GRIK4: variants seen among roughly 807,000 people sequenced by gnomAD.
GRIK4 encodes glutamate ionotropic receptor kainate type subunit 4.
A neutral mutation model predicts 104.9 loss-of-function variants in GRIK4; 40 were observed. The ratio of observed to expected loss-of-function variants is 0.38; its 90% CI spans 0.30 to 0.50. The LOEUF is 0.50. GRIK4 is among the 20% of genes least tolerant of loss of function. The probability of loss-of-function intolerance (pLI) is 0.93; values close to 1 mark genes in which losing one functional copy is unlikely to be tolerated. For synonymous variants in GRIK4, 485 were observed against 524.9 expected (o/e 0.92, Z 1.04); for missense variants, 1,047 against 1,308.1 (o/e 0.80, Z 3.08).
At chr11:120,753,705 C>T (rs1386156773) in intron 3 of GRIK4, among the ~76,000 whole-genome samples, 2 of 152,120 alleles carry the variant, frequency 1.3e-5, no homozygotes, top group Non-Finnish European at 2.9e-5. Flanking sequence ...ATGATGCCGG[C>T]CCTTGTCTTT....
chr11:120,944,715 T>A (rs1031369147), intron 14 of GRIK4, among the ~76,000 whole-genome samples: 1 of 152,182 alleles, frequency 6.6e-6, no homozygotes, highest in Non-Finnish European at 1.5e-5. Context: ...AAGGCCACAG[T>A]CATTATAAGC....
intron 1 of GRIK4, among the ~76,000 whole-genome samples, chr11:120,534,820 G>A (rs758002618): frequency 2.6e-5 from 4 of 152,184 alleles, no homozygotes; most frequent in Non-Finnish European, 4.4e-5. Context: ...ACCCCTGGGA[G>A]CAGAGGCAGA....
At chr11:120,629,149 G>C (rs1210558688) in intron 1 of GRIK4, among the ~76,000 whole-genome samples, 2 of 152,340 alleles carry the variant, frequency 1.3e-5, no homozygotes, top group East Asian at 3.9e-4. Context: ...TCAGAGGATG[G>C]GAAGAAGTTG....
chr11:120,954,386 T>C (rs1360067847), intron 15 of GRIK4, among the ~76,000 whole-genome samples: 1 of 151,444 alleles, frequency 6.6e-6, no homozygotes, highest in African/African-American at 2.4e-5. Context: ...CTGCTGTCAG[T>C]GACGGCCTGC....
At position 120,819,111 on chromosome 11, in the gene GRIK4, C is replaced by A. The variant is rs560438763; in HGVS notation, c.346-644C>A. On this transcript the variant is annotated intron_variant, in intron 5 of 20. Coordinates refer to ENST00000527524, the MANE Select transcript of GRIK4 (RefSeq NM_014619.5). The surrounding 1 kb of genome is among the most constrained non-coding windows in gnomAD (Gnocchi z 4.3). ...ACACTGTCCTAATGAAGCCAAACCA[C>A]GTATTTATTTACCTGGCTGTGTTCA... Among the ~76,000 whole-genome samples the A allele has an allele frequency of 1.1e-4, 17 of 152,310 alleles. No individual in the cohort carries two copies. In the East Asian group the frequency reaches 3.3e-3, roughly 29 times the overall value.
intron 1 of GRIK4, among the ~76,000 whole-genome samples, chr11:120,601,238 T>G (rs1379866170): frequency 1.3e-5 from 2 of 152,006 alleles, no homozygotes; most frequent in African/African-American, 4.8e-5. Flanking sequence ...AAACCTCATC[T>G]CTAGTAAAAA....
chr11:120,523,578 G>A (rs572634876), intron 1 of GRIK4, among the ~76,000 whole-genome samples: 11 of 152,262 alleles, frequency 7.2e-5, no homozygotes, highest in East Asian at 1.9e-4. Context: ...AGCCCTCCAC[G>A]GCAGGTCTTA....
At chr11:120,934,204 CAAAAAAAAAA>C (rs35705174) in intron 13 of GRIK4, among the ~76,000 whole-genome samples, 24,777 of 53,834 alleles carry the variant, frequency 0.46, 2,750 homozygotes, top group Middle Eastern at 0.58. Context: ...GACTCCGTCT[CAAAAAAAAAA>C]AAAAAAAAAA....
intron 1 of GRIK4, among the ~76,000 whole-genome samples, chr11:120,515,932 G>C (rs560592653): frequency 7.9e-5 from 12 of 152,300 alleles, no homozygotes; most frequent in Middle Eastern, 3.4e-3. Context: ...TTAGCTGTGG[G>C]CATCTCCTTT....
intron 8 of GRIK4, among the ~76,000 whole-genome samples, chr11:120,842,230 G>A (rs1591980700): frequency 6.6e-6 from 1 of 152,338 alleles, no homozygotes; most frequent in East Asian, 1.9e-4. Context: ...CTGGTAAGCA[G>A]CATTCCATAA....
chr11:120,697,976 C>T (rs975691193), intron 3 of GRIK4, among the ~76,000 whole-genome samples: 2 of 152,042 alleles, frequency 1.3e-5, no homozygotes, highest in South Asian at 2.1e-4. Flanking sequence ...TCCCCTTTCC[C>T]GAGTCTCTGG....
chr11:120,891,942 G>A (rs576990513), intron 11 of GRIK4, among the ~76,000 whole-genome samples: 15 of 152,164 alleles, frequency 9.9e-5, no homozygotes, highest in Non-Finnish European at 2.1e-4. Context: ...ATGGCTCTGA[G>A]CAAATCAGCT....
chr11:120,632,203 C>A (rs1241644953), intron 1 of GRIK4, among the ~76,000 whole-genome samples: 1 of 152,106 alleles, frequency 6.6e-6, no homozygotes, highest in Non-Finnish European at 1.5e-5. Context: ...TCTCTTTCCA[C>A]CATGTGAAGA....
intron 1 of GRIK4, among the ~76,000 whole-genome samples, chr11:120,639,372 C>A (rs1027260717): frequency 2.6e-5 from 4 of 152,120 alleles, no homozygotes; most frequent in Non-Finnish European, 5.9e-5. Flanking sequence ...ATGGGAGAAT[C>A]CCCGGGGCCT....
chr11:120,766,753 CTGCTTCTGCT>C lies in GRIK4; in HGVS notation c.83-35936_83-35927del, dbSNP rs924850258. ...TTCCTGGGTGAGACGACACCCCACC[CTGCTTCTGCT>C]TGCCCTCTGTGGGCTGCACCCACTG... On this transcript the variant is annotated intron_variant, in intron 3 of 20. Transcript: ENST00000527524. 4.2e-4 allele frequency among the ~76,000 whole-genome samples: 64 copies of C among 151,926 alleles called. 1 individual carries two copies. The highest frequency in any genetic ancestry group is 1.5e-3 in the African/African-American group (64 of 41,418).
intron 1 of GRIK4, among the ~76,000 whole-genome samples, chr11:120,593,142 A>G (rs1032710101): frequency 7.0e-6 from 1 of 142,340 alleles, no homozygotes; most frequent in Admixed American, 7.7e-5. Flanking sequence ...AAGATCGCGC[A>G]TTGCATTCCA....
At chr11:120,719,408 C>A (rs1188248981) in intron 3 of GRIK4, among the ~76,000 whole-genome samples, 1 of 152,152 alleles carries the variant, frequency 6.6e-6, no homozygotes, top group African/African-American at 2.4e-5. Flanking sequence ...TAGAGTGAGA[C>A]GGATCTAGAT....
At chr11:120,840,167 G>A (rs1395347590) in intron 8 of GRIK4, among the ~76,000 whole-genome samples, 2 of 152,178 alleles carry the variant, frequency 1.3e-5, no homozygotes, top group African/African-American at 4.8e-5. Context: ...GAGGTGTCAG[G>A]CAATGGAGAG....
intron 3 of GRIK4, among the ~76,000 whole-genome samples, chr11:120,772,666 G>A (rs142605993): frequency 2.0e-4 from 30 of 151,980 alleles, no homozygotes; most frequent in Non-Finnish European, 2.9e-4. Flanking sequence ...TGTTACATGG[G>A]AGAAATGAGA....
Sources: allele counts gnomAD v4.1 joint callset (sites outside exome capture counted in the v4.1 genomes callset), GRCh38; gene constraint gnomAD v4.1.1; non-coding constraint Gnocchi (gnomAD v3.1); transcripts MANE v1.5; gene names NCBI Gene and HGNC (gene_info 2026-07-23, HGNC 2026-07-21).